Variants in SMAD2 observed in about 807,000 individuals in gnomAD.
SMAD2 encodes MAD homolog 2.
In SMAD2, 8 loss-of-function variants were observed where a neutral mutation model predicts 64.4. The ratio of observed to expected loss-of-function variants is 0.12; its 90% CI spans 0.07 to 0.22. The LOEUF (loss-of-function observed/expected upper bound fraction) is 0.22. SMAD2 is among the 10% of genes least tolerant of loss of function. The pLI is 1.00. For missense variants in SMAD2, 289 were observed against 561.2 expected (o/e 0.51, Z 4.90); for synonymous variants, 203 against 195.8 (o/e 1.04, Z -0.31).
intron 2 of SMAD2, among the ~76,000 whole-genome samples, chr18:47,892,236 A>G (rs986306825): frequency 2.7e-5 from 4 of 146,550 alleles, no homozygotes; most frequent in Non-Finnish European, 5.9e-5. Context: ...AATTTTGCTC[A>G]TCGCCCAAGC....
intron 5 of SMAD2, among the ~76,000 whole-genome samples, chr18:47,867,976 G>T (rs2031688962): frequency 6.6e-6 from 1 of 151,964 alleles, no homozygotes; most frequent in African/African-American, 2.4e-5. Context: ...GTGTTTGGGG[G>T]GTACTTTTCT....
chr18:47,871,936 A>G (rs894925543), intron 2 of SMAD2, among the ~76,000 whole-genome samples: 10 of 152,246 alleles, frequency 6.6e-5, no homozygotes, highest in African/African-American at 2.4e-4. Context: ...AATAATTAAC[A>G]AAAGTGTAGC....
At position 47,930,369 on chromosome 18, in the gene SMAD2, T is replaced by A. The variant is rs889553577; in HGVS notation, c.-62A>T. 1 of 151,704 alleles carries A rather than the reference T, an allele frequency of 6.6e-6. No individual in the cohort carries two copies. The highest frequency in any genetic ancestry group is 2.4e-5 in the African/African-American group (1 of 41,210). The allele number at this position is 151,704 out of a possible 1,614,324, so 9.4% of individuals were successfully genotyped here. ...GGGCGCCCAGGCTTTACCTGCAAGG[T>A]GGCGCCAGGTCCCGCCCCGTCAGAT... is the stretch of plus-strand genomic sequence containing the variant. On this transcript the variant is annotated 5_prime_UTR_variant, in exon 1 of 11. Transcript: ENST00000262160.
At chr18:47,895,312 C>T (rs2033388954) in intron 2 of SMAD2, 2 of 152,250 alleles carry the variant, frequency 1.3e-5, no homozygotes, top group South Asian at 2.1e-4. Flanking sequence ...GAAGACTCTT[C>T]CCTCAGTTGG....
At position 47,833,176 on chromosome 18, in the gene SMAD2, C is replaced by A. The variant is rs1315218737; in HGVS notation, c.*8651G>T. On this transcript the variant is annotated 3_prime_UTR_variant, in exon 11 of 11. Transcript: ENST00000262160. ...TTCAACGGTGACAGGGCTGTTAACA[C>A]AGGTAAGAGCAAACAAGGTAAAAAG... The A allele has an allele frequency of 4.8e-6, 1 of 206,476 alleles. No homozygotes were observed. The highest frequency in any genetic ancestry group is 2.3e-5 in the African/African-American group (1 of 43,816). 12.8% of individuals were successfully genotyped at this position (206,476 alleles called of 1,614,324 possible).
At chr18:47,896,211 T>C (rs1218690993) in intron 2 of SMAD2, among the ~76,000 whole-genome samples, 1 of 152,242 alleles carries the variant, frequency 6.6e-6, no homozygotes, top group Non-Finnish European at 1.5e-5. Context: ...AGGTTGCTAC[T>C]ATGTTAGTGA....
intron 8 of SMAD2, among the ~76,000 whole-genome samples, chr18:47,846,675 T>C (rs1008345590): frequency 6.6e-6 from 1 of 152,188 alleles, no homozygotes; most frequent in Non-Finnish European, 1.5e-5. Context: ...ATCTAGGAGC[T>C]GAATTCTGCC....
rs1407056691 is a variant in SMAD2, at chr18:47,838,445, A to C, written c.*3382T>G. On this transcript the variant is annotated 3_prime_UTR_variant, in exon 11 of 11. Transcript: ENST00000262160. ...AGGGCCCCGTCCTAGTCATCTTTTTATTATTCAATATCCATCACAGTGGCT... is the reference window on the plus strand; with the variant it reads ...AGGGCCCCGTCCTAGTCATCTTTTTCTTATTCAATATCCATCACAGTGGCT... The C allele has an allele frequency of 8.6e-6, 2 of 233,278 alleles. No homozygotes were observed. The highest frequency in any genetic ancestry group is 1.7e-5 in the Non-Finnish European group (2 of 118,008). The allele number at this position is 233,278 out of a possible 1,614,324, so 14.5% of individuals were successfully genotyped here. A position where few individuals can be genotyped will look rare whatever the true frequency, so the allele number is the denominator to read the frequency against.
intron 8 of SMAD2, 45 bp downstream of exon 8, chr18:47,848,430 G>A (rs1216124879): frequency 7.3e-7 from 1 of 1,372,594 alleles, no homozygotes; most frequent in Non-Finnish European, 1.0e-6. Flanking sequence ...CCTACATTAT[G>A]AGTATACAGC....
chr18:47,852,653 C>T (rs1356103512), intron 6 of SMAD2, among the ~76,000 whole-genome samples: 1 of 152,130 alleles, frequency 6.6e-6, no homozygotes, highest in African/African-American at 2.4e-5. Context: ...CTAGGGTTTA[C>T]TACGAGACAT....
At chr18:47,848,789 G>T in intron 7 of SMAD2, 102 bp from the exon 8 acceptor site, 1 of 802,412 alleles carries the variant, frequency 1.2e-6, no homozygotes, top group Non-Finnish European at 2.0e-6. Flanking sequence ...CTCTATGCCA[G>T]CCTGCACTGG....
rs1283309293 is a variant in SMAD2, at chr18:47,820,180, A to G, written c.*21647T>C. 1 of 152,214 alleles carries G rather than the reference A, an allele frequency of 6.6e-6. No homozygotes were observed. The highest frequency in any genetic ancestry group is 2.4e-5 in the African/African-American group (1 of 41,460). The allele number at this position is 152,214 out of a possible 1,614,324, so 9.4% of individuals were successfully genotyped here. On this transcript the variant is annotated 3_prime_UTR_variant, in exon 11 of 11. Transcript: ENST00000262160. ...TCTTGGCTTCCTAAATTATAGAAAG[A>G]CTAAATATATTTGGGCCTATTAATA...
chr18:47,871,584 T>C (rs1667934578), intron 2 of SMAD2, among the ~76,000 whole-genome samples: 1 of 152,120 alleles, frequency 6.6e-6, no homozygotes, highest in Non-Finnish European at 1.5e-5. Flanking sequence ...ATGCCCTGCT[T>C]TGGGGGCTAC....
intron 1 of SMAD2, among the ~76,000 whole-genome samples, chr18:47,914,739 T>C (rs1007332077): frequency 6.6e-6 from 1 of 152,190 alleles, no homozygotes; most frequent in African/African-American, 2.4e-5. Flanking sequence ...AAAATATTAA[T>C]TACTACTGCT....
chr18:47,913,552 C>T (rs1243881201), intron 1 of SMAD2, among the ~76,000 whole-genome samples: 1 of 152,134 alleles, frequency 6.6e-6, no homozygotes, highest in African/African-American at 2.4e-5. Flanking sequence ...AATAAAATAA[C>T]ATTTGTTGTA....
At chr18:47,866,460 T>A (rs1274028907) in intron 5 of SMAD2, among the ~76,000 whole-genome samples, 2 of 151,864 alleles carry the variant, frequency 1.3e-5, no homozygotes, top group East Asian at 3.9e-4. Flanking sequence ...TACCCCCAAA[T>A]TTTTAAAACA....
intron 1 of SMAD2, among the ~76,000 whole-genome samples, chr18:47,914,062 T>C (rs1221486084): frequency 3.9e-5 from 6 of 152,246 alleles, no homozygotes; most frequent in African/African-American, 1.4e-4. Flanking sequence ...CTTCAAGTTA[T>C]TAACTCTATA....
At chr18:47,911,421 A>T (rs2034132115) in intron 1 of SMAD2, among the ~76,000 whole-genome samples, 1 of 152,168 alleles carries the variant, frequency 6.6e-6, no homozygotes, top group Non-Finnish European at 1.5e-5. Flanking sequence ...GAAACAGAAA[A>T]AAAATCAATG....
At position 47,810,969 on chromosome 18, in the gene SMAD2, T is replaced by G. The variant is rs1912180707; in HGVS notation, c.*30858A>C. 2 of 152,202 alleles carry G rather than the reference T, an allele frequency of 1.3e-5. No homozygotes were observed. The allele number at this position is 152,202 out of a possible 1,614,324, so 9.4% of individuals were successfully genotyped here. A position where few individuals can be genotyped will look rare whatever the true frequency, so the allele number is the denominator to read the frequency against. ...ACTCTGAAGACAGTAATTATTAGCC[T>G]CGAAGTTTTCTGTTGGCATGAGCAC... On this transcript the variant is annotated 3_prime_UTR_variant, in exon 11 of 11. Coordinates refer to ENST00000262160, the MANE Select transcript of SMAD2 (RefSeq NM_005901.6).
Sources: gnomAD v4.1 joint callset for allele counts (sites outside exome capture counted in the v4.1 genomes callset) on GRCh38, gnomAD v4.1.1 for gene constraint, MANE v1.5 for transcripts, NCBI Gene and HGNC (gene_info 2026-07-23, HGNC 2026-07-21) for gene names.